The following ST18 variants were observed in gnomAD, a reference collection of about 807,000 sequenced individuals.
ST18 encodes the protein ST18 C2H2C-type zinc finger transcription factor, also known as suppression of tumorigenicity 18 protein.
A neutral mutation model predicts 110.0 loss-of-function variants in ST18; 50 were observed. The ratio of observed to expected loss-of-function variants is 0.45; its 90% CI spans 0.36 to 0.58. The LOEUF (loss-of-function observed/expected upper bound fraction) is 0.58. Among genes scored for constraint, ST18 ranks in the 20% least tolerant of loss-of-function variants. The pLI, the probability that ST18 is intolerant of heterozygous loss-of-function variation, is 0.00. For missense variants in ST18, 1,306 were observed against 1,280.1 expected, an observed-to-expected ratio of 1.02 and a Z score of -0.31; for synonymous variants, 461 against 452.4, an observed-to-expected ratio of 1.02 and a Z score of -0.24.
chr8:52,243,436 C>T (rs2093601734), intron 2 of ST18, among the ~76,000 whole-genome samples: 1 of 152,122 alleles, frequency 6.6e-6, no homozygotes, highest in Non-Finnish European at 1.5e-5. Flanking sequence ...TCATTTGACA[C>T]TATATTGCTG....
At chr8:52,335,689 G>A (rs1590017046) in intron 2 of ST18, among the ~76,000 whole-genome samples, 1 of 152,246 alleles carries the variant, frequency 6.6e-6, no homozygotes, top group East Asian at 1.9e-4. Flanking sequence ...TTGGATTTTG[G>A]AGGATTTCAG....
chr8:52,320,427 A>C (rs1390715643), intron 2 of ST18, among the ~76,000 whole-genome samples: 3 of 152,174 alleles, frequency 2.0e-5, no homozygotes, highest in Non-Finnish European at 2.9e-5. Context: ...ATAGAAACTT[A>C]AGCTGCATAT....
At chr8:52,192,555 C>A (rs1359798472) in intron 8 of ST18, among the ~76,000 whole-genome samples, 1 of 152,206 alleles carries the variant, frequency 6.6e-6, no homozygotes, top group Non-Finnish European at 1.5e-5. Flanking sequence ...GGAGGCATAG[C>A]TGAGAGGCTA....
rs374959008 is a variant in ST18, at chr8:52,203,904, GA to G, written c.86+8174del. ...AAGGGAGCTGTGTGACAGGCATATG[GA>G]ATTTGACGGAGACTTCAGATTTTGT... On this transcript the variant is annotated intron_variant, in intron 8 of 25. Coordinates refer to ENST00000689386, the MANE Select transcript of ST18 (RefSeq NM_001352837.2). Among the ~76,000 whole-genome samples, 82 of 152,306 alleles carry G rather than the reference GA, an allele frequency of 5.4e-4. No homozygotes were observed. In the Middle Eastern group the frequency reaches 0.02, roughly 38 times the overall value.
intron 9 of ST18, among the ~76,000 whole-genome samples, chr8:52,173,010 T>C (rs1298887602): frequency 6.6e-6 from 1 of 152,192 alleles, no homozygotes; most frequent in East Asian, 1.9e-4. Flanking sequence ...TATATAATAG[T>C]ATACATTGTA....
intron 2 of ST18, among the ~76,000 whole-genome samples, chr8:52,314,950 A>G (rs1248584273): frequency 6.6e-6 from 1 of 152,152 alleles, no homozygotes; most frequent in Non-Finnish European, 1.5e-5. Context: ...CAGTGGACAG[A>G]GAGGGCCAGG....
chr8:52,150,166 G>A (rs2058448944), intron 15 of ST18, among the ~76,000 whole-genome samples, 189 bp from the exon 16 acceptor site: 1 of 152,114 alleles, frequency 6.6e-6, no homozygotes, highest in Non-Finnish European at 1.5e-5. Flanking sequence ...CCCCATTAGT[G>A]AGCTTTGTGT....
At chr8:52,224,316 A>G (rs1443695348) in intron 3 of ST18, among the ~76,000 whole-genome samples, 5 of 152,220 alleles carry the variant, frequency 3.3e-5, no homozygotes, top group Non-Finnish European at 7.4e-5. Context: ...TATTTTCAAC[A>G]TAGCAAGAGA....
chr8:52,151,700 A>G (rs2058850287), intron 15 of ST18, among the ~76,000 whole-genome samples: 1 of 152,232 alleles, frequency 6.6e-6, no homozygotes, highest in Non-Finnish European at 1.5e-5. Context: ...AATAGCAATG[A>G]AACAGAGCTA....
intron 2 of ST18, among the ~76,000 whole-genome samples, chr8:52,386,369 C>A (rs1836769315): frequency 6.6e-6 from 1 of 151,320 alleles, no homozygotes; most frequent in African/African-American, 2.4e-5. Flanking sequence ...CACTTTGATT[C>A]TGTGCAATGG....
chr8:52,255,147 A>T (rs1288151498), intron 2 of ST18, among the ~76,000 whole-genome samples: 1 of 152,152 alleles, frequency 6.6e-6, no homozygotes, highest in Admixed American at 6.5e-5. Flanking sequence ...TTTATGCTGC[A>T]CTAGATTCCA....
At position 52,164,031 on chromosome 8, in the gene ST18, T is replaced by C; in HGVS notation, c.1355A>G (p.Gln452Arg). 1.9e-6 allele frequency: 3 copies of C among 1,614,196 alleles called. No homozygotes were observed. The highest frequency in any genetic ancestry group is 1.7e-6 in the Non-Finnish European group (2 of 1,180,026). ...EKLAMSQDKN[Q>R]LDSPQTGQCP... ...CTGCCCAGTTTGGGGAGAATCAAGCTGATTTTTATCCTGGGACATTGCCAA... is the reference window on the plus strand; with the variant it reads ...CTGCCCAGTTTGGGGAGAATCAAGCCGATTTTTATCCTGGGACATTGCCAA... The change falls in exon 13 of 26, where the codon CAG (glutamine) becomes CGG (arginine). Residue 452 changes from glutamine to arginine, a missense_variant. Gln to Arg is a conservative substitution (Grantham distance 43). Transcript: ENST00000689386.
intron 9 of ST18, among the ~76,000 whole-genome samples, chr8:52,173,203 A>C (rs1261734268): frequency 6.6e-6 from 1 of 152,234 alleles, no homozygotes; most frequent in Non-Finnish European, 1.5e-5. Flanking sequence ...TGTCACCCTA[A>C]AATTCCATAT....
At chr8:52,402,345 T>C (rs1375460007) in intron 2 of ST18, among the ~76,000 whole-genome samples, 2 of 152,176 alleles carry the variant, frequency 1.3e-5, no homozygotes, top group Admixed American at 6.5e-5. Context: ...CTGTGGCACC[T>C]GTGATGTGGG....
In ST18 at chr8:52,147,151, G is replaced by C. The variant is rs370931734; in HGVS notation, c.2052+2581C>G. Among the ~76,000 whole-genome samples the C allele has an allele frequency of 2.6e-5, 4 of 152,238 alleles. No homozygotes were observed. The East Asian group carries it at 7.7e-4, about 29-fold the overall frequency. On this transcript the variant is annotated intron_variant, in intron 16 of 25. Transcript: ENST00000689386. ...TGGAGTAAGTAAGCCATTCTGTAAA[G>C]AGCATCAATCCACTCTAAAGAATCC...
chr8:52,178,084 T>C (rs2067620478), intron 9 of ST18, among the ~76,000 whole-genome samples: 1 of 152,140 alleles, frequency 6.6e-6, no homozygotes, highest in Non-Finnish European at 1.5e-5. Context: ...ATCTGGACAA[T>C]ATATTCACTT....
intron 2 of ST18, chr8:52,294,608 G>C (rs960936574): frequency 2.0e-5 from 3 of 152,260 alleles, no homozygotes; most frequent in African/African-American, 7.2e-5. Flanking sequence ...TATTATTAGA[G>C]AGTTTTGCAT....
Position 52,331,571 on chromosome 8 carries a change from C to T in ST18, c.-465+77757G>A, listed in dbSNP as rs536174108. On this transcript the variant is annotated intron_variant, in intron 2 of 25. Transcript: ENST00000689386. ...ACAGCTTTAGGTAGGACATTAACAT[C>T]TGCATATGTAAAAACTAGCAAAATG... Among the ~76,000 whole-genome samples, 3 of 152,294 alleles carry T rather than the reference C, an allele frequency of 2.0e-5. No individual in the cohort carries two copies. In the East Asian group the frequency reaches 5.8e-4, roughly 29 times the overall value.
rs2132094318 is a variant in ST18, at chr8:52,142,947, G to T, written c.2151C>A (p.Leu717=). ...CCACTTACGTGATTAGTTCCTTTTTGAGATCTCTTGCATGAAGCTTGGGTT... is the reference window on the plus strand; with the variant it reads ...CCACTTACGTGATTAGTTCCTTTTTTAGATCTCTTGCATGAAGCTTGGGTT... ...SPKPKLHARD[L]KKELITCPTP... is the part of the protein sequence containing the mutation. Residue 717 remains leucine, a synonymous_variant, in exon 17 of 26, where the codon CTC becomes CTA. Coordinates refer to ENST00000689386, the MANE Select transcript of ST18 (RefSeq NM_001352837.2). The T allele has an allele frequency of 6.2e-7, 1 of 1,613,394 alleles. No homozygotes were observed. The highest frequency in any genetic ancestry group is 2.2e-5 in the East Asian group (1 of 44,880).
Sources: gnomAD v4.1 joint callset for allele counts (sites outside exome capture counted in the v4.1 genomes callset) on GRCh38, gnomAD v4.1.1 for gene constraint, MANE v1.5 for transcripts, NCBI Gene and HGNC (gene_info 2026-07-23, HGNC 2026-07-21) for gene names.